Variants in HLTF observed in about 807,000 individuals in gnomAD.
The protein encoded by HLTF is helicase like transcription factor, also known as DNA-dependent ATPase/E3 ubiquitin-protein ligase HLTF.
A neutral mutation model predicts 129.4 loss-of-function variants in HLTF; 127 were observed. That is an observed-to-expected ratio of 0.98 (90% confidence interval 0.85 to 1.14). HLTF has a LOEUF of 1.14. HLTF is among the 50% of genes most tolerant of loss of function. The pLI is 0.00. For missense variants in HLTF, 1,139 were observed against 1,187.1 expected (o/e 0.96, Z 0.60); for synonymous variants, 332 against 388.8 (o/e 0.85, Z 1.72).
chr3:149,068,381 G>A, intron 7 of HLTF, 46 bp from the exon 8 acceptor site: 2 of 867,594 alleles, frequency 2.3e-6, no homozygotes, highest in Non-Finnish European at 3.7e-6. Context: ...GTGAAACCCA[G>A]TTCACCAGAA....
At chr3:149,065,794 C>T (rs1415472180) in intron 8 of HLTF, among the ~76,000 whole-genome samples, 1 of 152,122 alleles carries the variant, frequency 6.6e-6, no homozygotes, top group Non-Finnish European at 1.5e-5. Flanking sequence ...TGCGCCACTG[C>T]ACTCCCTCTG....
At chr3:149,076,121 T>C (rs1014386599) in intron 2 of HLTF, 74 bp from the exon 3 acceptor site, 4 of 588,124 alleles carry the variant, frequency 6.8e-6, no homozygotes, top group Non-Finnish European at 1.1e-5. Flanking sequence ...TTATCTGGGA[T>C]TTCCATTCAT....
At chr3:149,072,548 A>T (rs1195504509) in intron 5 of HLTF, among the ~76,000 whole-genome samples, 1 of 152,230 alleles carries the variant, frequency 6.6e-6, no homozygotes, top group Non-Finnish European at 1.5e-5. Context: ...TGTGATACAG[A>T]TATTTTTGAA....
At chr3:149,068,039 C>G (rs1718546710) in intron 8 of HLTF, among the ~76,000 whole-genome samples, 1 of 152,232 alleles carries the variant, frequency 6.6e-6, no homozygotes, top group East Asian at 1.9e-4. Flanking sequence ...CCAGCCTGGG[C>G]AACAGAGCCA....
At chr3:149,071,189 T>C in intron 7 of HLTF, 63 bp downstream of exon 7, 1 of 1,069,894 alleles carries the variant, frequency 9.3e-7, no homozygotes, top group East Asian at 2.5e-5. Flanking sequence ...TACTTCAAAA[T>C]TACTTTCTAG....
intron 2 of HLTF, among the ~76,000 whole-genome samples, 166 bp from the exon 3 acceptor site, chr3:149,076,213 T>C (rs989048908): frequency 2.0e-5 from 3 of 152,110 alleles, no homozygotes; most frequent in African/African-American, 7.2e-5. Flanking sequence ...ATATATATTA[T>C]TATGACTCCT....
intron 4 of HLTF, 50 bp downstream of exon 4, chr3:149,074,165 C>A (rs761180166): frequency 1.3e-6 from 2 of 1,546,702 alleles, no homozygotes; most frequent in Non-Finnish European, 1.8e-6. Context: ...GTTTCATAAT[C>A]CCTGCATCTT....
chr3:149,039,061 A>T lies in HLTF; in HGVS notation c.2784T>A (p.Phe928Leu), dbSNP rs745662926. 7 of 1,573,028 alleles carry T rather than the reference A, an allele frequency of 4.5e-6. No individual in the cohort carries two copies. The South Asian group carries it at 7.2e-5, about 16-fold the overall frequency. Residue 928 changes from phenylalanine (F) to leucine (L), a missense_variant, in exon 23 of 25, where the codon TTT (phenylalanine) becomes TTA (leucine). Coordinates refer to ENST00000310053, the MANE Select transcript of HLTF (RefSeq NM_003071.4). ...CAGAACTACTTACTGGATCCATTAA[A>T]AACACTCGAGAAGCTGCAGACAGAT... is the stretch of plus-strand genomic sequence containing the variant. ...GLNLSAASRV[F>L]LMDPAWNPAA...
intron 14 of HLTF, among the ~76,000 whole-genome samples, chr3:149,053,327 T>C (rs1223759913): frequency 6.6e-6 from 1 of 152,170 alleles, no homozygotes; most frequent in African/African-American, 2.4e-5. Flanking sequence ...CTTAGTGCTA[T>C]CCCCTTGGTG....
intron 2 of HLTF, among the ~76,000 whole-genome samples, chr3:149,080,412 T>TCC (rs36031760): frequency 4.0e-5 from 2 of 49,910 alleles, no homozygotes; most frequent in African/African-American, 4.4e-4. Flanking sequence ...TCTCCCAGCA[T>TCC]GTCTACTGAC....
Position 149,064,879 on chromosome 3 carries a change from G to A in HLTF, c.991-13C>T, listed in dbSNP as rs1379311658. The A allele has an allele frequency of 6.7e-7, 1 of 1,489,930 alleles. No individual in the cohort carries two copies. Among genetic ancestry groups the A allele is most frequent in the Non-Finnish European group, 9.4e-7 (1 of 1,069,448 alleles). The allele number at this position is 1,489,930 out of a possible 1,614,324, so 92.3% of individuals were successfully genotyped here. A position where few individuals can be genotyped will look rare whatever the true frequency, so the allele number is the denominator to read the frequency against. The stretch of plus-strand genomic sequence containing the variant: ...TAACATTATATTCCTGGGTAAATAG[G>A]CATATTTCTTAAACAGTACTGCTAT... On this transcript the variant is annotated splice_polypyrimidine_tract_variant and intron_variant, in intron 8 of 24. Transcript: ENST00000310053.
chr3:149,075,004 A>AG (rs1719223656), intron 3 of HLTF, among the ~76,000 whole-genome samples: 1 of 152,234 alleles, frequency 6.6e-6, no homozygotes, highest in African/African-American at 2.4e-5. Flanking sequence ...CATATGCCCT[A>AG]GCTAAAGGGA....
chr3:149,073,267 AT>A lies in HLTF; in HGVS notation c.584del (p.Tyr195LeufsTer11), dbSNP rs1323236861. Reference sequence around the variant, plus strand: ...GTACTGCAGCATGCACTGGCATACTATAGCTTGGTCCAGCTCTTCCAGAGCC... The same window carrying A: ...GTACTGCAGCATGCACTGGCATACTAAGCTTGGTCCAGCTCTTCCAGAGCC... ...GWGSGRAGPS[Y>X]SMPVHAAVQM... On this transcript the variant is annotated frameshift_variant, in exon 5 of 25. Transcript: ENST00000310053. LOFTEE classifies it high-confidence loss of function. 1 of 1,613,260 alleles carries A rather than the reference AT, an allele frequency of 6.2e-7. No homozygotes were observed. Among genetic ancestry groups the A allele is most frequent in the Non-Finnish European group, 8.5e-7 (1 of 1,179,492 alleles).
intron 15 of HLTF, among the ~76,000 whole-genome samples, chr3:149,049,485 T>C (rs755157727): frequency 5.3e-5 from 8 of 152,294 alleles, no homozygotes; most frequent in Non-Finnish European, 7.3e-5. Context: ...TTTTGAACAA[T>C]TGGAATTATA....
rs373407601 is a variant in HLTF, at chr3:149,074,322, G to A, written c.422C>T (p.Ala141Val). 1 of 1,612,486 alleles carries A rather than the reference G, an allele frequency of 6.2e-7. No individual in the cohort carries two copies. Among genetic ancestry groups the A allele is most frequent in the African/African-American group, 1.3e-5 (1 of 74,828 alleles). ...EGVVPFGANN[A>V]FTMPLHMTFW... ...AGTCATATGCAGAGGCATGGTAAAAGCATTGTTTGCACCAAAAGGAACTAC... is the reference window on the plus strand; with the variant it reads ...AGTCATATGCAGAGGCATGGTAAAAACATTGTTTGCACCAAAAGGAACTAC... The change falls in exon 4 of 25, where the codon GCT becomes GTT. Residue 141 changes from alanine (A) to valine (V), a missense_variant. Transcript: ENST00000310053.
chr3:149,046,112 A>G lies in HLTF; in HGVS notation c.2040T>C (p.Ser680=). 6.2e-7 allele frequency: 1 copy of G among 1,609,970 alleles called. No individual in the cohort carries two copies. The highest frequency in any genetic ancestry group is 2.2e-5 in the East Asian group (1 of 44,632). Residue 680 remains serine (S), a synonymous_variant, in exon 18 of 25, where the codon TCT becomes TCC. Coordinates refer to ENST00000310053, the MANE Select transcript of HLTF (RefSeq NM_003071.4). The part of the protein sequence containing the change: ...LSDEERKIYQ[S]VKNEGRATIG... ...TAGTGGCTCTGCCTTCATTTTTCACAGACTGATAAATCTTTCTCTCTTCAT... is the reference window on the plus strand; with the variant it reads ...TAGTGGCTCTGCCTTCATTTTTCACGGACTGATAAATCTTTCTCTCTTCAT...
intron 12 of HLTF, 117 bp downstream of exon 12, chr3:149,060,526 C>A: frequency 1.3e-6 from 1 of 774,322 alleles, no homozygotes; most frequent in Non-Finnish European, 2.1e-6. Context: ...CAAATGTAAA[C>A]ATCAGCCAAG....
At chr3:149,080,498 G>A (rs1483035549) in intron 2 of HLTF, among the ~76,000 whole-genome samples, 1 of 152,078 alleles carries the variant, frequency 6.6e-6, no homozygotes. Flanking sequence ...TATTATCTAT[G>A]AGGCAGAGCT....
At position 149,032,319 on chromosome 3, in the gene HLTF, CTT is replaced by C; in HGVS notation, c.2929_2930del (p.Lys977GlufsTer11). On this transcript the variant is annotated frameshift_variant, in exon 25 of 25. Transcript: ENST00000310053. LOFTEE classifies it high-confidence loss of function. ...CAAAGGCTCCTGCTGCAAGTTCTCTCTTTTTGTTTTGTATTTTCAGCATATTT... is the reference window on the plus strand; with the variant it reads ...CAAAGGCTCCTGCTGCAAGTTCTCTCTTTGTTTTGTATTTTCAGCATATTT... The part of the protein sequence containing the change: ...EENMLKIQNK[K>X]RELAAGAFGT... 5 of 1,595,230 alleles carry C rather than the reference CTT, an allele frequency of 3.1e-6. No individual in the cohort carries two copies. The highest frequency in any genetic ancestry group is 4.3e-6 in the Non-Finnish European group (5 of 1,171,244).
Sources: gnomAD v4.1 joint callset for allele counts (sites outside exome capture counted in the v4.1 genomes callset) on GRCh38, gnomAD v4.1.1 for gene constraint, MANE v1.5 for transcripts, NCBI Gene and HGNC (gene_info 2026-07-23, HGNC 2026-07-21) for gene names.